Variants in DLGAP1 observed in about 807,000 individuals in gnomAD.
DLGAP1 encodes DLG associated protein 1, also known as disks large-associated protein 1.
DLGAP1 carries 11 observed loss-of-function variants against 90.8 expected under a neutral mutation model. That is an observed-to-expected ratio of 0.12 (90% confidence interval 0.08 to 0.20). The LOEUF (loss-of-function observed/expected upper bound fraction) is 0.20. Ranked by LOEUF, DLGAP1 falls within the 10% of genes least tolerant of loss-of-function variation. The pLI is 1.00. For missense variants in DLGAP1, 1,050 were observed against 1,333.8 expected, an observed-to-expected ratio of 0.79 and a Z score of 3.31; for synonymous variants, 558 against 540.7, an observed-to-expected ratio of 1.03 and a Z score of -0.44.
In DLGAP1 at chr18:4,351,977, C is replaced by T. The variant is rs571083545; in HGVS notation, c.-267+103029G>A. 1.1e-3 allele frequency among the ~76,000 whole-genome samples: 165 copies of T among 152,194 alleles called. 1 individual carries two copies. The highest frequency in any genetic ancestry group is 6.8e-3 in the Middle Eastern group (2 of 294). ...GGATTGCCTTATCACACTTAATTTA[C>T]AAATCTGGAATAAAACCATGAGGTG... is the stretch of plus-strand genomic sequence containing the variant. On this transcript the variant is annotated intron_variant, in intron 1 of 12. Transcript: ENST00000315677.
chr18:3,534,524 T>G lies in DLGAP1; in HGVS notation c.2149A>C (p.Ile717Leu). Reference protein sequence around the residue: ...HDNLENSLESIEDNSCPGPMA... With the variant: ...HDNLENSLESLEDNSCPGPMA... Reference sequence around the variant, plus strand: ...GGGCCAGGACACGAATTGTCCTCTATAGATTCCAGAGAATTTTCCAGATTA... The same window carrying G: ...GGGCCAGGACACGAATTGTCCTCTAGAGATTCCAGAGAATTTTCCAGATTA... Residue 717 changes from isoleucine (I) to leucine (L), a missense_variant, in exon 10 of 13, where the codon ATA becomes CTA. Physicochemically the swap from Ile to Leu is conservative, Grantham distance 5. Coordinates refer to ENST00000315677, the MANE Select transcript of DLGAP1 (RefSeq NM_004746.4). 1.2e-6 allele frequency: 2 copies of G among 1,614,174 alleles called. No homozygotes were observed. Among genetic ancestry groups the G allele is most frequent in the Non-Finnish European group, 1.7e-6 (2 of 1,180,018 alleles).
At chr18:3,815,104 A>G (rs2067037190) in intron 4 of DLGAP1, among the ~76,000 whole-genome samples, 1 of 152,158 alleles carries the variant, frequency 6.6e-6, no homozygotes, top group African/African-American at 2.4e-5. Context: ...AAGGAGAGCA[A>G]TTTTATTTGA....
At chr18:4,300,413 G>C (rs1293366184) in intron 1 of DLGAP1, among the ~76,000 whole-genome samples, 2 of 151,970 alleles carry the variant, frequency 1.3e-5, no homozygotes, top group Non-Finnish European at 2.9e-5. Context: ...TTTACTGATC[G>C]CTTTGCCCTA....
Position 3,600,865 on chromosome 18 carries a change from GATATATAGATAT to G in DLGAP1, c.1592-18629_1592-18618del, listed in dbSNP as rs1321112744. 4.9e-4 allele frequency among the ~76,000 whole-genome samples: 8 copies of G among 16,478 alleles called. 1 individual carries two copies. The highest frequency in any genetic ancestry group is 2.5e-3 in the African/African-American group (6 of 2,390). The allele number at this position is 16,478 out of a possible 152,430, so 10.8% of individuals were successfully genotyped here. ...ATATATAGATATATAGATATATATA[GATATATAGATAT>G]ATAGATAGATATATAGATATATATA... On this transcript the variant is annotated intron_variant, in intron 7 of 12. Coordinates refer to ENST00000315677, the MANE Select transcript of DLGAP1 (RefSeq NM_004746.4).
intron 2 of DLGAP1, among the ~76,000 whole-genome samples, chr18:4,055,228 C>T (rs1013416518): frequency 4.6e-5 from 7 of 152,082 alleles, no homozygotes; most frequent in Admixed American, 1.3e-4. Context: ...TTCACCACAG[C>T]GGTTGAGAGA....
chr18:3,572,436 A>ATTTG (rs146464414), intron 8 of DLGAP1, among the ~76,000 whole-genome samples: 31,484 of 149,482 alleles, frequency 0.21, 5,181 homozygotes, highest in African/African-American at 0.46. Context: ...TTATTTATTT[A>ATTTG]TTTGTTTGTT....
intron 7 of DLGAP1, among the ~76,000 whole-genome samples, chr18:3,701,914 CAT>C (rs1313409536): frequency 6.6e-6 from 1 of 152,096 alleles, no homozygotes; most frequent in East Asian, 1.9e-4. Context: ...GACGGAGAGA[CAT>C]AGGGAGTTCT....
intron 4 of DLGAP1, among the ~76,000 whole-genome samples, chr18:3,834,803 A>T (rs770828512): frequency 2.6e-5 from 4 of 152,208 alleles, no homozygotes; most frequent in Non-Finnish European, 5.9e-5. Flanking sequence ...TGTAACTTTT[A>T]TTAAAAAATG....
At chr18:4,294,581 C>T (rs923850945) in intron 1 of DLGAP1, 1 of 152,332 alleles carries the variant, frequency 6.6e-6, no homozygotes, top group Admixed American at 6.5e-5. Flanking sequence ...ACAGCAGTGT[C>T]TAGGGGTGAG....
chr18:3,686,032 T>C lies in DLGAP1; in HGVS notation c.1591+43103A>G, dbSNP rs372652760. On this transcript the variant is annotated intron_variant, in intron 7 of 12. Coordinates refer to ENST00000315677, the MANE Select transcript of DLGAP1 (RefSeq NM_004746.4). ...CTACTAAAAATACAGAAAAATTTAA[T>C]TGGGCATGGTGGCACGTGCCTGTAA... is the stretch of plus-strand genomic sequence containing the variant. Among the ~76,000 whole-genome samples, 60 of 151,732 alleles carry C rather than the reference T, an allele frequency of 4.0e-4. 1 individual carries two copies. The highest frequency in any genetic ancestry group is 1.4e-3 in the African/African-American group (59 of 41,386).
intron 1 of DLGAP1, among the ~76,000 whole-genome samples, chr18:4,215,756 C>A (rs148498302): frequency 0.011 from 1,699 of 152,058 alleles, 19 homozygotes; most frequent in Middle Eastern, 0.027. Context: ...GTTTTTAAAA[C>A]AAGCAGAAAT....
At chr18:3,976,183 T>C (rs2073570620) in intron 3 of DLGAP1, among the ~76,000 whole-genome samples, 1 of 128,094 alleles carries the variant, frequency 7.8e-6, no homozygotes, top group Admixed American at 8.1e-5. Context: ...CCGTCTCTAC[T>C]AAAAATACAA....
At chr18:4,398,829 T>G (rs945380327) in intron 1 of DLGAP1, among the ~76,000 whole-genome samples, 5 of 152,010 alleles carry the variant, frequency 3.3e-5, no homozygotes, top group Non-Finnish European at 5.9e-5. Flanking sequence ...AAGAGTGCCG[T>G]TTTTTTGTTT....
intron 6 of DLGAP1, among the ~76,000 whole-genome samples, chr18:3,738,450 G>C (rs1007241968): frequency 2.7e-5 from 4 of 147,562 alleles, no homozygotes; most frequent in Non-Finnish European, 6.0e-5. Flanking sequence ...GAACAGAACA[G>C]AGCCCTCAGA....
chr18:4,181,686 T>C (rs1349233210), intron 1 of DLGAP1, among the ~76,000 whole-genome samples: 1 of 152,088 alleles, frequency 6.6e-6, no homozygotes, highest in Admixed American at 6.5e-5. Context: ...TTAAGTGTCT[T>C]TGGATTTCTT....
intron 1 of DLGAP1, chr18:4,431,226 T>C (rs1015540930): frequency 6.6e-6 from 1 of 152,346 alleles, no homozygotes; most frequent in Non-Finnish European, 1.5e-5. Flanking sequence ...AAGGACCCAC[T>C]AAGATCTCTT....
intron 3 of DLGAP1, among the ~76,000 whole-genome samples, chr18:3,994,037 G>C (rs1354525586): frequency 2.0e-5 from 3 of 152,136 alleles, no homozygotes; most frequent in Admixed American, 2.0e-4. Flanking sequence ...AAGAACCACA[G>C]AGACCCCCTT....
At chr18:4,354,227 G>A (rs1427954424) in intron 1 of DLGAP1, among the ~76,000 whole-genome samples, 1 of 152,106 alleles carries the variant, frequency 6.6e-6, no homozygotes, top group African/African-American at 2.4e-5. Flanking sequence ...TCTTCCCCAA[G>A]GTGAGTCACA....
rs888520192 is a variant in DLGAP1 at position 3,586,259 on chromosome 18, G to A, written c.1592-4011C>T. 2.0e-5 allele frequency among the ~76,000 whole-genome samples: 3 copies of A among 152,218 alleles called. No homozygotes were observed. The South Asian group carries it at 6.2e-4, about 32-fold the overall frequency. ...ATGGAGGGCAGGAACCATCTCCCAT[G>A]TTGTTATACGGAGGGACATTACTCA... On this transcript the variant is annotated intron_variant, in intron 7 of 12. Coordinates refer to ENST00000315677, the MANE Select transcript of DLGAP1 (RefSeq NM_004746.4).
Sources: gnomAD v4.1 joint callset for allele counts (sites outside exome capture counted in the v4.1 genomes callset) on GRCh38, gnomAD v4.1.1 for gene constraint, MANE v1.5 for transcripts, NCBI Gene and HGNC (gene_info 2026-07-23, HGNC 2026-07-21) for gene names.